The following CFAP299 variants were observed in gnomAD, a reference collection of about 807,000 sequenced individuals.
CFAP299 encodes the protein cilia and flagella associated protein 299.
Under a neutral mutation model 27.0 loss-of-function variants are expected in CFAP299, and 21 were observed. The ratio of observed to expected loss-of-function variants is 0.78; its 90% CI spans 0.55 to 1.12. The LOEUF (loss-of-function observed/expected upper bound fraction) is 1.12, where lower values mean the gene tolerates loss of function less well. Among genes scored for constraint, CFAP299 ranks in the 50% most tolerant of loss-of-function variants. The pLI, the probability that CFAP299 is intolerant of heterozygous loss-of-function variation, is 0.00. For synonymous variants in CFAP299, 104 were observed against 98.1 expected, an observed-to-expected ratio of 1.06 and a Z score of -0.36; for missense variants, 310 against 276.6, an observed-to-expected ratio of 1.12 and a Z score of -0.86.
At chr4:80,379,504 ATTC>A (rs1468012772) in intron 2 of CFAP299, among the ~76,000 whole-genome samples, 2 of 151,942 alleles carry the variant, frequency 1.3e-5, no homozygotes, top group African/African-American at 4.8e-5. Flanking sequence ...ATTTTAAACT[ATTC>A]TTCTGCTATA....
rs183318776 is a variant in CFAP299 at position 80,618,637 on chromosome 4, T to G, written c.333+35454T>G. ...TCATATAAAAGTTATGTAAAAGTAG[T>G]TGAGGCAGAGGGGAGTTCTCTCTGA... On this transcript the variant is annotated intron_variant, in intron 3 of 5. Transcript: ENST00000358105. Among the ~76,000 whole-genome samples, 399 of 152,184 alleles carry G rather than the reference T, an allele frequency of 2.6e-3. 3 individuals are homozygous for G. Among genetic ancestry groups the G allele is most frequent in the Middle Eastern group, 6.8e-3 (2 of 294 alleles).
At chr4:80,611,852 C>A (rs1737998977) in intron 3 of CFAP299, among the ~76,000 whole-genome samples, 1 of 151,970 alleles carries the variant, frequency 6.6e-6, no homozygotes, top group Admixed American at 6.6e-5. Flanking sequence ...TGAATTGTGT[C>A]ATTACAGCCT....
At chr4:80,353,656 G>A (rs1723116965) in intron 1 of CFAP299, among the ~76,000 whole-genome samples, 1 of 152,180 alleles carries the variant, frequency 6.6e-6, no homozygotes, top group Non-Finnish European at 1.5e-5. Flanking sequence ...CTTGAAATCT[G>A]TGGAGGTCAA....
chr4:80,393,611 T>C (rs963923656), intron 2 of CFAP299, among the ~76,000 whole-genome samples: 4 of 152,196 alleles, frequency 2.6e-5, no homozygotes, highest in Non-Finnish European at 5.9e-5. Flanking sequence ...CCTGCAGTAT[T>C]CAGTACAGTA....
At chr4:80,561,491 G>T (rs1198625760) in intron 2 of CFAP299, among the ~76,000 whole-genome samples, 2 of 152,048 alleles carry the variant, frequency 1.3e-5, no homozygotes, top group Non-Finnish European at 2.9e-5. Flanking sequence ...ACAAAACCTG[G>T]AGAAAATGTG....
intron 2 of CFAP299, among the ~76,000 whole-genome samples, chr4:80,540,820 A>G (rs1424417378): frequency 1.3e-5 from 2 of 152,218 alleles, no homozygotes; most frequent in Non-Finnish European, 2.9e-5. Context: ...CACAAATGCC[A>G]CCAAGTATTT....
intron 2 of CFAP299, chr4:80,386,235 C>T: frequency 9.3e-7 from 1 of 1,073,496 alleles, no homozygotes; most frequent in South Asian, 1.4e-5. Flanking sequence ...GGCCCTCGGC[C>T]CCGGCCTGCA....
At chr4:80,559,508 G>A (rs1734940225) in intron 2 of CFAP299, among the ~76,000 whole-genome samples, 1 of 152,090 alleles carries the variant, frequency 6.6e-6, no homozygotes, top group South Asian at 2.1e-4. Context: ...GCCTGTGTAA[G>A]AACCAAAAAT....
intron 3 of CFAP299, among the ~76,000 whole-genome samples, chr4:80,731,461 T>G (rs1723518521): frequency 6.6e-6 from 1 of 151,586 alleles, no homozygotes; most frequent in Non-Finnish European, 1.5e-5. Context: ...TTAGAAGGAG[T>G]CAAGCATTCT....
intron 3 of CFAP299, among the ~76,000 whole-genome samples, chr4:80,649,881 G>A (rs1016089359): frequency 1.3e-5 from 2 of 151,900 alleles, no homozygotes; most frequent in African/African-American, 4.8e-5. Context: ...TCTTCTTTAG[G>A]TGTTAGGGAG....
chr4:80,431,848 A>G (rs1727832124), intron 2 of CFAP299, among the ~76,000 whole-genome samples: 1 of 152,186 alleles, frequency 6.6e-6, no homozygotes, highest in Non-Finnish European at 1.5e-5. Flanking sequence ...GGCTTGTTCT[A>G]ATAGTGAGTG....
intron 2 of CFAP299, among the ~76,000 whole-genome samples, chr4:80,472,379 T>C (rs147892761): frequency 7.9e-4 from 121 of 152,330 alleles, no homozygotes; most frequent in African/African-American, 2.7e-3. Context: ...TGCTACCTTT[T>C]TAATAAAAAC....
At chr4:80,840,628 G>T (rs945166020) in intron 3 of CFAP299, among the ~76,000 whole-genome samples, 4 of 152,040 alleles carry the variant, frequency 2.6e-5, no homozygotes, top group African/African-American at 9.6e-5. Context: ...TATTCTCATG[G>T]TTTGTTTTGA....
chr4:80,705,586 G>T (rs1484287193), intron 3 of CFAP299, among the ~76,000 whole-genome samples: 1 of 151,808 alleles, frequency 6.6e-6, no homozygotes, highest in Non-Finnish European at 1.5e-5. Flanking sequence ...CAGACTAACT[G>T]CTGAGTAAGA....
intron 3 of CFAP299, among the ~76,000 whole-genome samples, chr4:80,694,518 A>G (rs2110020471): frequency 1.3e-5 from 2 of 152,360 alleles, no homozygotes; most frequent in East Asian, 3.9e-4. Context: ...TGAGTATTTA[A>G]GCTTCATGAT....
intron 3 of CFAP299, among the ~76,000 whole-genome samples, chr4:80,665,853 G>A (rs555495561): frequency 6.6e-6 from 1 of 151,920 alleles, no homozygotes; most frequent in Non-Finnish European, 1.5e-5. Context: ...TGTGAGATCT[G>A]GTGGTTTAAA....
intron 3 of CFAP299, among the ~76,000 whole-genome samples, chr4:80,659,711 C>T (rs2109979639): frequency 6.6e-6 from 1 of 152,136 alleles, no homozygotes; most frequent in South Asian, 2.1e-4. Context: ...TATAACTACT[C>T]TGAAAAATAA....
rs181623269 is a variant in CFAP299, at chr4:80,942,445, G to A, written c.477-2365G>A. 4.1e-4 allele frequency among the ~76,000 whole-genome samples: 62 copies of A among 151,788 alleles called. No individual in the cohort carries two copies. The East Asian group carries it at 5.4e-3, about 13-fold the overall frequency. ...ATAATAGATTCATTAGACTTATAAC[G>A]GTACCTAGCACATGACCATTACTAG... On this transcript the variant is annotated intron_variant, in intron 4 of 5. Transcript: ENST00000358105.
chr4:80,334,789 T>A (rs1306320021), upstream of CFAP299, among the ~76,000 whole-genome samples: 1 of 152,234 alleles, frequency 6.6e-6, no homozygotes, highest in African/African-American at 2.4e-5. Context: ...TAAGATGAAC[T>A]TTTTAAATTA....
Sources: allele counts gnomAD v4.1 joint callset (sites outside exome capture counted in the v4.1 genomes callset), GRCh38; gene constraint gnomAD v4.1.1; transcripts MANE v1.5; gene names NCBI Gene and HGNC (gene_info 2026-07-23, HGNC 2026-07-21).